The following ARHGEF17 variants were observed in gnomAD, a reference collection of about 807,000 sequenced individuals.
ARHGEF17 encodes the protein 164 kDa Rho-specific guanine-nucleotide exchange factor.
A neutral mutation model predicts 174.0 loss-of-function variants in ARHGEF17; 80 were observed. The ratio of observed to expected loss-of-function variants is 0.46; its 90% CI spans 0.38 to 0.55. The LOEUF (loss-of-function observed/expected upper bound fraction) is 0.55, where lower values mean the gene tolerates loss of function less well. ARHGEF17 is among the 20% of genes least tolerant of loss of function. The pLI is 0.00. For synonymous variants in ARHGEF17, 1,311 were observed against 1,189.1 expected (o/e 1.10, Z -2.11); for missense variants, 2,886 against 2,839.7 (o/e 1.02, Z -0.37).
intron 9 of ARHGEF17, 41 bp downstream of exon 9, chr11:73,357,368 T>C: frequency 6.4e-7 from 1 of 1,571,160 alleles, no homozygotes; most frequent in Middle Eastern, 1.7e-4. Flanking sequence ...GGGGTCTTCC[T>C]CTGAGAAGCC....
At chr11:73,364,354 T>C in intron 17 of ARHGEF17, 98 bp from the exon 18 acceptor site, 1 of 1,603,684 alleles carries the variant, frequency 6.2e-7, no homozygotes, top group East Asian at 2.2e-5. Context: ...TTGGTTTCTT[T>C]GCTTATAAAA....
intron 1 of ARHGEF17, among the ~76,000 whole-genome samples, chr11:73,333,171 G>A (rs527279239): frequency 5.9e-5 from 9 of 151,992 alleles, no homozygotes; most frequent in African/African-American, 2.2e-4. Flanking sequence ...CAATAATAAT[G>A]ACAAGACTAG....
At chr11:73,329,922 A>C (rs909150932) in intron 1 of ARHGEF17, among the ~76,000 whole-genome samples, 1 of 152,182 alleles carries the variant, frequency 6.6e-6, no homozygotes, top group African/African-American at 2.4e-5. Context: ...AGTAGGTTAG[A>C]GGCCCATTTC....
At chr11:73,315,606 C>T (rs874456) in intron 1 of ARHGEF17, among the ~76,000 whole-genome samples, 19,646 of 152,074 alleles carry the variant, frequency 0.13, 1,585 homozygotes, top group African/African-American at 0.23. Context: ...GAATTCTGAG[C>T]GGTACCAAAT....
At chr11:73,357,201 C>G (rs748927649) in intron 8 of ARHGEF17, 41 bp from the exon 9 acceptor site, 6 of 1,612,936 alleles carry the variant, frequency 3.7e-6, no homozygotes, top group Non-Finnish European at 5.1e-6. Flanking sequence ...CTGAGCCCCA[C>G]TCCCCGACCC....
chr11:73,328,175 G>A (rs1416332733), intron 1 of ARHGEF17, among the ~76,000 whole-genome samples: 1 of 152,190 alleles, frequency 6.6e-6, no homozygotes, highest in Non-Finnish European at 1.5e-5. Flanking sequence ...GTCACTGAGA[G>A]TAGCCCAGGT....
chr11:73,332,350 CGTGTGTGTGTGTGTGTGTGTGTGTGT>C (rs58725771), intron 1 of ARHGEF17, among the ~76,000 whole-genome samples: 2,522 of 120,738 alleles, frequency 0.021, 28 homozygotes, highest in Middle Eastern at 0.057. Flanking sequence ...GCTTTTTCTC[CGTGTGTGTGTGTGTGTGTGTGTGTGT>C]GTGTGTGTGT....
Position 73,365,051 on chromosome 11 carries a change from C to CA in ARHGEF17, c.5551-339_5551-338insA. The stretch of plus-strand genomic sequence containing the variant: ...GGAGTCCAAAGCCCTGGGTTCAGGC[C>CA]CCAGCTCTGTGACTGACTTGCTGTG... On this transcript the variant is annotated intron_variant, in intron 18 of 20. Coordinates refer to ENST00000263674, the MANE Select transcript of ARHGEF17 (RefSeq NM_014786.4). The surrounding 1 kb of genome is among the most constrained non-coding windows in gnomAD (Gnocchi z 4.9). 2.8e-6 allele frequency: 1 copy of CA among 358,736 alleles called. No individual in the cohort carries two copies. Among genetic ancestry groups the CA allele is most frequent in the South Asian group, 3.5e-5 (1 of 28,256 alleles). The allele number at this position is 358,736 out of a possible 1,614,324, so 22.2% of individuals were successfully genotyped here.
Position 73,309,701 on chromosome 11 carries a change from C to A in ARHGEF17, c.1063C>A (p.Pro355Thr). The change falls in exon 1 of 21, where the codon CCC (proline) becomes ACC (threonine). Residue 355 changes from proline to threonine, a missense_variant. Around this residue, in one of 4 missense-constraint regions of ARHGEF17, gnomAD observed 1,728 missense variants for 1,461.2 expected, o/e 1.18. Transcript: ENST00000263674. ...GSGSPPCVPG[P>T]QEGLRPMSDS... ...TGGCTCTCCGCCCTGCGTCCCAGGTCCCCAGGAGGGACTTCGGCCTATGTC... is the reference window on the plus strand; with the variant it reads ...TGGCTCTCCGCCCTGCGTCCCAGGTACCCAGGAGGGACTTCGGCCTATGTC... The A allele has an allele frequency of 6.2e-7, 1 of 1,613,020 alleles. No homozygotes were observed. Among genetic ancestry groups the A allele is most frequent in the East Asian group, 2.2e-5 (1 of 44,882 alleles).
chr11:73,342,137 A>ATGGGAGCACAGTCTAGGGG (rs560710300), intron 1 of ARHGEF17, among the ~76,000 whole-genome samples: 30 of 145,366 alleles, frequency 2.1e-4, no homozygotes, highest in Admixed American at 4.1e-4. Flanking sequence ...CAGTCTAGGG[A>ATGGGAGCACAGTCTAGGGG]TGGGAGCACA....
intron 1 of ARHGEF17, among the ~76,000 whole-genome samples, chr11:73,342,680 G>A (rs900294045): frequency 6.6e-6 from 1 of 152,132 alleles, no homozygotes; most frequent in African/African-American, 2.4e-5. Context: ...GGGAAGCTGC[G>A]TTCAGCGTGT....
At chr11:73,361,646 G>A (rs1157034626) in intron 12 of ARHGEF17, among the ~76,000 whole-genome samples, 2 of 152,122 alleles carry the variant, frequency 1.3e-5, no homozygotes, top group African/African-American at 2.4e-5. Flanking sequence ...AGGATCACAT[G>A]AACCTAAAAG....
rs79403596 is a variant in ARHGEF17 at position 73,342,390 on chromosome 11, T to C, written c.3193-4493T>C. Among the ~76,000 whole-genome samples, 926 of 152,220 alleles carry C rather than the reference T, an allele frequency of 6.1e-3. 9 individuals are homozygous for C. The highest frequency in any genetic ancestry group is 0.027 in the Middle Eastern group (8 of 294). ...TTGGGTGGAAGACCAGGGATGTGTATGTGTGCACATCTCTAAATGTCCGAG... is the reference window on the plus strand; with the variant it reads ...TTGGGTGGAAGACCAGGGATGTGTACGTGTGCACATCTCTAAATGTCCGAG... On this transcript the variant is annotated intron_variant, in intron 1 of 20. Transcript: ENST00000263674.
intron 1 of ARHGEF17, among the ~76,000 whole-genome samples, chr11:73,316,797 G>A (rs1213881252): frequency 1.3e-5 from 2 of 152,244 alleles, no homozygotes; most frequent in African/African-American, 4.8e-5. Context: ...TAGTGGCCTG[G>A]TCTGACTTAA....
At chr11:73,350,979 C>T (rs1385724010) in intron 2 of ARHGEF17, among the ~76,000 whole-genome samples, 1 of 152,224 alleles carries the variant, frequency 6.6e-6, no homozygotes, top group Non-Finnish European at 1.5e-5. Context: ...TGGCTTGTGC[C>T]AGGTTCCGTA....
chr11:73,361,672 G>T (rs186301421), intron 12 of ARHGEF17, among the ~76,000 whole-genome samples: 1 of 152,184 alleles, frequency 6.6e-6, no homozygotes. Flanking sequence ...GACCAGGCTA[G>T]GCAAGACCCT....
In ARHGEF17 at chr11:73,308,977, A is replaced by C. The variant is rs1039751294; in HGVS notation, c.339A>C (p.Glu113Asp). 3 of 1,363,592 alleles carry C rather than the reference A, an allele frequency of 2.2e-6. No homozygotes were observed. The highest frequency in any genetic ancestry group is 2.8e-6 in the Non-Finnish European group (3 of 1,063,084). 84.5% of individuals were successfully genotyped at this position (1,363,592 alleles called of 1,614,324 possible). A position where few individuals can be genotyped will look rare whatever the true frequency, so the allele number is the denominator to read the frequency against. Residue 113 changes from glutamate (E) to aspartate (D), a missense_variant, in exon 1 of 21, where the codon GAA becomes GAC. Around this residue, in one of 4 missense-constraint regions of ARHGEF17, gnomAD observed 1,728 missense variants for 1,461.2 expected, o/e 1.18. Transcript: ENST00000263674. ...GCGTCTTACCCGCGGCCGCGGAAGA[A>C]GCGGCCGAGGGCCCAGCGCGAGGAG... ...DGGVLPAAAE[E>D]AAEGPARGAW...
Position 73,308,751 on chromosome 11 carries a change from T to C in ARHGEF17, c.113T>C (p.Leu38Ser), listed in dbSNP as rs775323671. The C allele has an allele frequency of 3.4e-6, 5 of 1,476,164 alleles. No individual in the cohort carries two copies. The highest frequency in any genetic ancestry group is 2.6e-5 in the Admixed American group (1 of 39,112). 91.4% of individuals were successfully genotyped at this position (1,476,164 alleles called of 1,614,324 possible). ...LREEDTDTPG[L>S]RRRASCRPTT... ...GAGGAGGACACGGACACCCCCGGCT[T>C]GAGGCGACGCGCCTCGTGCCGGCCG... The change falls in exon 1 of 21, where the codon TTG becomes TCG. Residue 38 changes from leucine to serine, a missense_variant. Physicochemically the swap from Leu to Ser is moderately radical, Grantham distance 145. Coordinates refer to ENST00000263674, the MANE Select transcript of ARHGEF17 (RefSeq NM_014786.4).
Position 73,365,571 on chromosome 11 carries a change from AC to A in ARHGEF17, c.5725+9del, listed in dbSNP as rs747201145. The A allele has an allele frequency of 1.9e-6, 3 of 1,613,610 alleles. No individual in the cohort carries two copies. In the South Asian group the frequency reaches 3.3e-5, roughly 18 times the overall value. ...GTGCACAGGATGCTGGCAGGTACTGACCTCAAACTACCACAGCACCCTCCTT... is the reference window on the plus strand; with the variant it reads ...GTGCACAGGATGCTGGCAGGTACTGACTCAAACTACCACAGCACCCTCCTT... On this transcript the variant is annotated splice_region_variant and intron_variant, in intron 19 of 20. Coordinates refer to ENST00000263674, the MANE Select transcript of ARHGEF17 (RefSeq NM_014786.4). The surrounding 1 kb of genome is among the most constrained non-coding windows in gnomAD (Gnocchi z 4.9).
Sources: allele counts gnomAD v4.1 joint callset (sites outside exome capture counted in the v4.1 genomes callset), GRCh38; gene constraint gnomAD v4.1.1; regional missense constraint gnomAD v4.1.1; non-coding constraint Gnocchi (gnomAD v3.1); transcripts MANE v1.5; gene names NCBI Gene and HGNC (gene_info 2026-07-23, HGNC 2026-07-21).